The following ANKRD24 variants were observed in gnomAD, a reference collection of about 807,000 sequenced individuals.
ANKRD24 encodes the protein ankyrin repeat domain 24.
A neutral mutation model predicts 127.8 loss-of-function variants in ANKRD24; 109 were observed. The ratio of observed to expected loss-of-function variants is 0.85; its 90% CI spans 0.73 to 1.00. The LOEUF is 1.00. ANKRD24 is among the 50% of genes least tolerant of loss of function. The probability of loss-of-function intolerance (pLI) is 0.00; values close to 1 mark genes in which losing one functional copy is unlikely to be tolerated. For missense variants in ANKRD24, 1,648 were observed against 1,570.2 expected, an observed-to-expected ratio of 1.05 and a Z score of -0.84; for synonymous variants, 743 against 671.1, an observed-to-expected ratio of 1.11 and a Z score of -1.66.
chr19:4,203,086 T>G (rs1382671774), intron 7 of ANKRD24, among the ~76,000 whole-genome samples, 160 bp downstream of exon 7: 1 of 151,980 alleles, frequency 6.6e-6, no homozygotes, highest in African/African-American at 2.4e-5. Flanking sequence ...CTCACTCTGT[T>G]GCCCAGGCTG....
At chr19:4,202,320 C>G (rs1599423079) in intron 6 of ANKRD24, among the ~76,000 whole-genome samples, 1 of 152,280 alleles carries the variant, frequency 6.6e-6, no homozygotes. Flanking sequence ...GTAATCCCAG[C>G]ACTTTGGGAG....
At position 4,217,761 on chromosome 19, in the gene ANKRD24, G is replaced by T; in HGVS notation, c.2601G>T (p.Gln867His). The change falls in exon 18 of 22, where the codon CAG becomes CAT. Residue 867 changes from glutamine (Q) to histidine (H), a missense_variant. Coordinates refer to ENST00000318934, the MANE Select transcript of ANKRD24 (RefSeq NM_001393985.1). ...CGGCCAGGGCCACGGGGGAGCAGCA[G>T]CGCACGGCGGCCGCGGAACTGGGCC... ...LATARATGEQ[Q>H]RTAAAELGRA... 1.5e-6 allele frequency: 2 copies of T among 1,303,310 alleles called. No individual in the cohort carries two copies. Among genetic ancestry groups the T allele is most frequent in the South Asian group, 2.0e-5 (1 of 49,780 alleles). 80.7% of individuals were successfully genotyped at this position (1,303,310 alleles called of 1,614,324 possible).
Position 4,186,414 on chromosome 19 carries a change from A to G in ANKRD24, c.-12A>G. On this transcript the variant is annotated 5_prime_UTR_variant, in exon 2 of 22. Transcript: ENST00000318934. ...GGTGGCCTGTGGAGAGGAGAAACAC[A>G]GGGCACCAACTATGAAGACTCTCAG... is the stretch of plus-strand genomic sequence containing the variant. The G allele has an allele frequency of 6.3e-7, 1 of 1,585,960 alleles. No homozygotes were observed. The highest frequency in any genetic ancestry group is 8.6e-7 in the Non-Finnish European group (1 of 1,166,140).
In ANKRD24 at chr19:4,224,529, A is replaced by G. The variant is rs779431739; in HGVS notation, c.*24A>G. 2 of 1,595,548 alleles carry G rather than the reference A, an allele frequency of 1.3e-6. No individual in the cohort carries two copies. Among genetic ancestry groups the G allele is most frequent in the East Asian group, 2.3e-5 (1 of 43,722 alleles). ...GAGAAAGGCCAGGCCCAGTGGCTAC[A>G]CTGACCACACCCACGCAGGGACCTC... On this transcript the variant is annotated 3_prime_UTR_variant, in exon 22 of 22. Transcript: ENST00000318934.
At position 4,186,192 on chromosome 19, in the gene ANKRD24, G is replaced by A. The variant is rs1246003218; in HGVS notation, c.-36-198G>A. 10 of 1,259,884 alleles carry A rather than the reference G, an allele frequency of 7.9e-6. No homozygotes were observed. The East Asian group carries it at 8.7e-5, about 11-fold the overall frequency. The allele number at this position is 1,259,884 out of a possible 1,614,324, so 78.0% of individuals were successfully genotyped here. The stretch of plus-strand genomic sequence containing the variant: ...TCATTTCTGTCACTGTATAGATGAG[G>A]GAAGTAAAACAGAGAGGGCAAGTAA... On this transcript the variant is annotated intron_variant, in intron 1 of 21. Coordinates refer to ENST00000318934, the MANE Select transcript of ANKRD24 (RefSeq NM_001393985.1).
rs1358392234 is a variant in ANKRD24 at position 4,217,984 on chromosome 19, G to A, written c.2824G>A (p.Ala942Thr). 1.3e-6 allele frequency: 2 copies of A among 1,524,258 alleles called. No individual in the cohort carries two copies. The highest frequency in any genetic ancestry group is 2.6e-5 in the East Asian group (1 of 38,580). The allele number at this position is 1,524,258 out of a possible 1,614,324, so 94.4% of individuals were successfully genotyped here. ...AGCCAGTCTGGAGCAGGAGGTGGTG[G>A]CCACGGGCAAGGAGGCCGCCCGGCT... is the stretch of plus-strand genomic sequence containing the variant. ...RAASLEQEVV[A>T]TGKEAARLRA... Residue 942 changes from alanine to threonine, a missense_variant, in exon 18 of 22, where the codon GCC (alanine) becomes ACC (threonine). Ala to Thr is a moderately conservative substitution (Grantham distance 58, BLOSUM62 0). Transcript: ENST00000318934.
Position 4,217,936 on chromosome 19 carries a change from G to A in ANKRD24, c.2776G>A (p.Ala926Thr), listed in dbSNP as rs1468644084. 6.7e-7 allele frequency: 1 copy of A among 1,501,536 alleles called. No homozygotes were observed. Among genetic ancestry groups the A allele is most frequent in the Non-Finnish European group, 8.8e-7 (1 of 1,132,762 alleles). 93.0% of individuals were successfully genotyped at this position (1,501,536 alleles called of 1,614,324 possible). ...ASEHRRLQEE[A>T]LELRGRAASL... The stretch of plus-strand genomic sequence containing the variant: ...TGAGCACCGCCGGCTGCAGGAGGAG[G>A]CCCTGGAGCTGCGGGGCCGGGCAGC... The change falls in exon 18 of 22, where the codon GCC becomes ACC. Residue 926 changes from alanine to threonine, a missense_variant. By Grantham distance (58) the Ala-to-Thr change is moderately conservative. Coordinates refer to ENST00000318934, the MANE Select transcript of ANKRD24 (RefSeq NM_001393985.1).
chr19:4,213,456 C>CA (rs1969883757), intron 15 of ANKRD24, among the ~76,000 whole-genome samples: 1 of 118,660 alleles, frequency 8.4e-6, no homozygotes, highest in Non-Finnish European at 1.7e-5. Context: ...ATCCTTCCTT[C>CA]TTTTTTTTTT....
chr19:4,212,293 G>T (rs189748255), intron 13 of ANKRD24, among the ~76,000 whole-genome samples, 182 bp from the exon 14 acceptor site: 1 of 152,364 alleles, frequency 6.6e-6, no homozygotes, highest in Non-Finnish European at 1.5e-5. Flanking sequence ...TGAGCAGGCA[G>T]AATGGTGCCT....
In ANKRD24 at chr19:4,212,608, G is replaced by A; in HGVS notation, c.1107G>A (p.Glu369=). ...TCCACTGCTGCTCCCAGGTGCAAGA[G>A]CTACAGCAGTTGCTGGTGGAGAGAC... ...SLHILERQVQ[E]LQQLLVERQE... Residue 369 remains glutamate (E), a synonymous_variant, in exon 15 of 22, where the codon GAG becomes GAA. Transcript: ENST00000318934. The A allele has an allele frequency of 6.4e-7, 1 of 1,551,164 alleles. No homozygotes were observed. Among genetic ancestry groups the A allele is most frequent in the Non-Finnish European group, 8.7e-7 (1 of 1,147,046 alleles).
intron 18 of ANKRD24, among the ~76,000 whole-genome samples, chr19:4,218,555 C>T (rs1276332130): frequency 6.6e-6 from 1 of 152,070 alleles, no homozygotes; most frequent in Non-Finnish European, 1.5e-5. Flanking sequence ...CCACCTCAGC[C>T]TCTCAAAGTG....
chr19:4,185,418 T>C (rs1968006390), intron 1 of ANKRD24, among the ~76,000 whole-genome samples: 1 of 151,962 alleles, frequency 6.6e-6, no homozygotes, highest in South Asian at 2.1e-4. Flanking sequence ...CACGAGTAGA[T>C]AGGTGGACAG....
chr19:4,185,861 C>A lies in ANKRD24; in HGVS notation c.-36-529C>A, dbSNP rs573457556. Among the ~76,000 whole-genome samples the A allele has an allele frequency of 2.0e-5, 3 of 152,278 alleles. No individual in the cohort carries two copies. In the East Asian group the frequency reaches 5.8e-4, roughly 29 times the overall value. ...CCAGGGGTGAGGCAGAGGCAGAGAC[C>A]CAGCCAGGGTAGGCGGGAACCCAAT... On this transcript the variant is annotated intron_variant, in intron 1 of 21. Transcript: ENST00000318934.
chr19:4,212,339 G>C (rs558820244), intron 13 of ANKRD24, 136 bp from the exon 14 acceptor site: 17 of 988,144 alleles, frequency 1.7e-5, no homozygotes, highest in Non-Finnish European at 2.4e-5. Context: ...ATGAGTGAGC[G>C]GGCAGAATTC....
At position 4,210,132 on chromosome 19, in the gene ANKRD24, C is replaced by T; in HGVS notation, c.945C>T (p.Pro315=). The stretch of plus-strand genomic sequence containing the variant: ...CGCCTCCACCTCCCGCCAGCATTCC[C>T]ATGCCGGTGAGAGATGCTCTGGGCA... ...RKAPPPPASI[P]MPDDRDAYEE... The change falls in exon 12 of 22, where the codon CCC becomes CCT. Residue 315 remains proline, a synonymous_variant. Coordinates refer to ENST00000318934, the MANE Select transcript of ANKRD24 (RefSeq NM_001393985.1). 6.2e-7 allele frequency: 1 copy of T among 1,608,352 alleles called. No homozygotes were observed. Among genetic ancestry groups the T allele is most frequent in the Non-Finnish European group, 8.5e-7 (1 of 1,177,712 alleles).
chr19:4,197,929 G>A (rs941233879), intron 2 of ANKRD24, among the ~76,000 whole-genome samples: 4 of 152,158 alleles, frequency 2.6e-5, no homozygotes, highest in Admixed American at 2.0e-4. Flanking sequence ...GAACGAATGG[G>A]TGAGTGAACG....
rs772733625 is a variant in ANKRD24, at chr19:4,216,767, C to T, written c.1607C>T (p.Ala536Val). The change falls in exon 18 of 22, where the codon GCC becomes GTC. Residue 536 changes from alanine to valine, a missense_variant. Physicochemically the swap from Ala to Val is moderately conservative, Grantham distance 64. Transcript: ENST00000318934. Reference protein sequence around the residue: ...CGESEVAGATATKNGPTHMEL... With the variant: ...CGESEVAGATVTKNGPTHMEL... ...GAGAGTGAGGTTGCTGGAGCCACGG[C>T]CACCAAAAACGGGCCAACCCACATG... 9.4e-6 allele frequency: 15 copies of T among 1,590,336 alleles called. No individual in the cohort carries two copies. Among genetic ancestry groups the T allele is most frequent in the East Asian group, 2.3e-5 (1 of 43,510 alleles).
At chr19:4,190,381 G>T (rs1968316835) in intron 2 of ANKRD24, among the ~76,000 whole-genome samples, 1 of 149,856 alleles carries the variant, frequency 6.7e-6, no homozygotes, top group Admixed American at 6.7e-5. Context: ...CCGAGATGGA[G>T]CCATTGCACT....
At position 4,219,591 on chromosome 19, in the gene ANKRD24, G is replaced by A. The variant is rs1363786494; in HGVS notation, c.3004G>A (p.Val1002Met). 2 of 1,606,998 alleles carry A rather than the reference G, an allele frequency of 1.2e-6. No individual in the cohort carries two copies. The highest frequency in any genetic ancestry group is 1.7e-5 in the Admixed American group (1 of 59,536). ...HEKTSAEVFQ[V>M]QREALFMKSE... The stretch of plus-strand genomic sequence containing the variant: ...AGTCATGCGTGGGCTTGGGCCACAG[G>A]TGCAGCGTGAGGCCCTGTTCATGAA... Residue 1002 changes from valine (V) to methionine (M), a missense_variant and splice_region_variant, in exon 19 of 22, where the codon GTG becomes ATG. Physicochemically the swap from Val to Met is conservative, Grantham distance 21 (BLOSUM62 1). Transcript: ENST00000318934.
Sources: gnomAD v4.1 joint callset for allele counts (sites outside exome capture counted in the v4.1 genomes callset) on GRCh38, gnomAD v4.1.1 for gene constraint, MANE v1.5 for transcripts, NCBI Gene and HGNC (gene_info 2026-07-23, HGNC 2026-07-21) for gene names.